The following NAV3 variants were observed in gnomAD, a reference collection of about 807,000 sequenced individuals.
NAV3 encodes neuron navigator 3.
NAV3 carries 87 observed loss-of-function variants against 244.7 expected under a neutral mutation model. That is an observed-to-expected ratio of 0.36 (90% CI 0.30 to 0.42). NAV3 has a LOEUF of 0.42. NAV3 is among the 20% of genes least tolerant of loss of function. The pLI, the probability that NAV3 is intolerant of heterozygous loss-of-function variation, is 1.00. For synonymous variants in NAV3, 1,126 were observed against 1,042.2 expected (o/e 1.08, Z -1.55); for missense variants, 2,663 against 2,893.3 (o/e 0.92, Z 1.83).
upstream of NAV3, among the ~76,000 whole-genome samples, chr12:77,826,633 T>C (rs543297453): frequency 6.6e-6 from 1 of 152,290 alleles, no homozygotes; most frequent in East Asian, 1.9e-4. Context: ...TAATGTTACA[T>C]ATAACACATG....
intron 2 of NAV3, among the ~76,000 whole-genome samples, chr12:77,806,948 G>T (rs1052364858): frequency 1.3e-5 from 2 of 152,086 alleles, no homozygotes; most frequent in South Asian, 2.1e-4. Context: ...TTTGATCTTT[G>T]TTGGTCTCTG....
intron 38 of NAV3, 69 bp from the exon 39 acceptor site, chr12:78,204,866 T>C: frequency 7.2e-7 from 1 of 1,386,964 alleles, no homozygotes; most frequent in Non-Finnish European, 1.0e-6. Context: ...CACATCCAAC[T>C]AGCAGTCCCC....
Position 77,734,457 on chromosome 12 carries a change from T to G in NAV3, c.72+162191T>G, listed in dbSNP as rs576652986. Among the ~76,000 whole-genome samples, 4 of 152,210 alleles carry G rather than the reference T, an allele frequency of 2.6e-5. No homozygotes were observed. The South Asian group carries it at 6.2e-4, about 24-fold the overall frequency. ...GCAGATAGCTCAAACTATACATGAT[T>G]AATACCCGGTCTAGAATGAAACTAA... is the stretch of plus-strand genomic sequence containing the variant. On this transcript the variant is annotated intron_variant, in intron 2 of 8. Coordinates refer to the NAV3 transcript ENST00000550042.
At chr12:77,920,588 A>G (rs1565922222) in intron 1 of NAV3, among the ~76,000 whole-genome samples, 1 of 152,040 alleles carries the variant, frequency 6.6e-6, no homozygotes, top group Non-Finnish European at 1.5e-5. Context: ...TTTTAGCTAA[A>G]TATATATTTT....
At chr12:77,901,484 T>G (rs1039175740) in intron 1 of NAV3, among the ~76,000 whole-genome samples, 1 of 151,506 alleles carries the variant, frequency 6.6e-6, no homozygotes, top group South Asian at 2.1e-4. Flanking sequence ...CTGAGGCGGG[T>G]GGATCACCTG....
Position 78,006,406 on chromosome 12 carries a change from A to G in NAV3, c.881-13A>G, listed in dbSNP as rs1224847666. 26 of 1,602,192 alleles carry G rather than the reference A, an allele frequency of 1.6e-5. No individual in the cohort carries two copies. Among genetic ancestry groups the G allele is most frequent in the Non-Finnish European group, 2.0e-5 (24 of 1,172,850 alleles). ...ATCGCCTTTTCTTTATTTTTCTTCT[A>G]AACAATGTCCAGATTCCTCCAAAGG... On this transcript the variant is annotated splice_polypyrimidine_tract_variant and intron_variant, in intron 7 of 39. Transcript: ENST00000397909.
intron 39 of NAV3, 144 bp from the exon 40 acceptor site, chr12:78,210,254 C>T (rs1238455950): frequency 3.9e-6 from 5 of 1,270,922 alleles, no homozygotes; most frequent in African/African-American, 3.0e-5. Flanking sequence ...GAGCCAGGGG[C>T]AACGAGTAAA....
chr12:78,075,198 G>A (rs1952984072), intron 12 of NAV3, among the ~76,000 whole-genome samples: 1 of 152,104 alleles, frequency 6.6e-6, no homozygotes, highest in Non-Finnish European at 1.5e-5. Context: ...AGAAAACATA[G>A]TGTTGTGAGA....
chr12:77,948,680 G>GT (rs1890590850), intron 3 of NAV3, among the ~76,000 whole-genome samples: 1 of 131,320 alleles, frequency 7.6e-6, no homozygotes, highest in Non-Finnish European at 1.6e-5. Context: ...TTTTTCAATT[G>GT]CCCCCCCACC....
At chr12:77,787,295 TTAAA>T (rs1273304946) in intron 2 of NAV3, among the ~76,000 whole-genome samples, 2 of 152,158 alleles carry the variant, frequency 1.3e-5, no homozygotes, top group African/African-American at 2.4e-5. Context: ...TTGAACAAAG[TTAAA>T]TAGTTTTTAA....
intron 9 of NAV3, among the ~76,000 whole-genome samples, chr12:78,030,773 A>C (rs1000679339): frequency 1.3e-5 from 2 of 152,224 alleles, no homozygotes; most frequent in Non-Finnish European, 2.9e-5. Context: ...CAACTAACTT[A>C]GCTGTAAAGA....
chr12:77,627,077 A>C (rs184030220), intron 2 of NAV3, among the ~76,000 whole-genome samples: 33 of 152,306 alleles, frequency 2.2e-4, no homozygotes, highest in Admixed American at 2.0e-3. Context: ...TTCTCAATTA[A>C]AAGATATGGA....
intron 2 of NAV3, among the ~76,000 whole-genome samples, chr12:77,700,283 C>A (rs1437691326): frequency 6.6e-6 from 1 of 152,056 alleles, no homozygotes; most frequent in Non-Finnish European, 1.5e-5. Context: ...GGGATCTGCA[C>A]CATGTGCTGT....
At chr12:77,975,486 C>A (rs934078505) in intron 5 of NAV3, among the ~76,000 whole-genome samples, 60 of 152,260 alleles carry the variant, frequency 3.9e-4, no homozygotes, top group African/African-American at 1.4e-3. Context: ...TGTGTGGGAA[C>A]AATTTTTTGC....
chr12:78,152,216 GGT>G (rs1957105393), intron 22 of NAV3, among the ~76,000 whole-genome samples: 1 of 151,304 alleles, frequency 6.6e-6, no homozygotes, highest in South Asian at 2.1e-4. Flanking sequence ...ACAGTCAAAA[GGT>G]ACAGGTAATG....
chr12:77,981,336 T>C (rs1869526823), intron 5 of NAV3, among the ~76,000 whole-genome samples: 1 of 152,184 alleles, frequency 6.6e-6, no homozygotes, highest in African/African-American at 2.4e-5. Flanking sequence ...GCATGTTAGT[T>C]ATCATTTTAT....
chr12:78,017,209 G>C (rs966603485), intron 8 of NAV3, among the ~76,000 whole-genome samples: 1 of 152,242 alleles, frequency 6.6e-6, no homozygotes, highest in Admixed American at 6.6e-5. Context: ...CATATTAAGT[G>C]CACAAAAACA....
intron 5 of NAV3, among the ~76,000 whole-genome samples, chr12:77,985,676 T>C (rs146258623): frequency 2.7e-4 from 41 of 152,278 alleles, no homozygotes; most frequent in African/African-American, 8.4e-4. Flanking sequence ...TGTAACTTTA[T>C]TGTACGTAGA....
chr12:78,126,039 TTTTG>T (rs1185994680), intron 16 of NAV3, among the ~76,000 whole-genome samples: 3 of 152,208 alleles, frequency 2.0e-5, no homozygotes, highest in African/African-American at 7.2e-5. Flanking sequence ...ATATAATTTA[TTTTG>T]TTTGTTTATC....
Sources: allele counts gnomAD v4.1 joint callset (sites outside exome capture counted in the v4.1 genomes callset), GRCh38; gene constraint gnomAD v4.1.1; transcripts MANE v1.5; gene names NCBI Gene and HGNC (gene_info 2026-07-23, HGNC 2026-07-21).